The following ROR1 variants were observed in gnomAD, a reference collection of about 807,000 sequenced individuals.
The protein encoded by ROR1 is ROR family WNT receptor 1.
ROR1 carries 19 observed loss-of-function variants against 78.8 expected under a neutral mutation model. The ratio of observed to expected loss-of-function variants is 0.24; its 90% CI spans 0.17 to 0.35. The LOEUF (loss-of-function observed/expected upper bound fraction) is 0.35. Among genes scored for constraint, ROR1 ranks in the 10% least tolerant of loss-of-function variants. The probability of loss-of-function intolerance (pLI) is 1.00; values close to 1 mark genes in which losing one functional copy is unlikely to be tolerated. For missense variants in ROR1, 917 were observed against 1,177.8 expected, an observed-to-expected ratio of 0.78 and a Z score of 3.24; for synonymous variants, 386 against 433.6, an observed-to-expected ratio of 0.89 and a Z score of 1.36.
intron 1 of ROR1, among the ~76,000 whole-genome samples, chr1:63,780,472 T>C (rs1313763427): frequency 6.6e-6 from 1 of 152,194 alleles, no homozygotes; most frequent in Non-Finnish European, 1.5e-5. Context: ...AAGGATGTTA[T>C]GAACTTATAG....
intron 4 of ROR1, among the ~76,000 whole-genome samples, chr1:64,114,009 C>G (rs1314224326): frequency 1.3e-5 from 2 of 152,154 alleles, no homozygotes; most frequent in East Asian, 3.9e-4. Flanking sequence ...CTTGGCATGA[C>G]TCCTGGCATG....
At chr1:63,995,113 C>A (rs1430895042) in intron 1 of ROR1, among the ~76,000 whole-genome samples, 2 of 152,170 alleles carry the variant, frequency 1.3e-5, no homozygotes, top group Non-Finnish European at 2.9e-5. Flanking sequence ...GATATTGACA[C>A]CCGGCAACCA....
At chr1:64,124,945 G>A (rs1422747650) in intron 4 of ROR1, among the ~76,000 whole-genome samples, 1 of 152,208 alleles carries the variant, frequency 6.6e-6, no homozygotes, top group African/African-American at 2.4e-5. Context: ...TTCATAACCA[G>A]TTACAGCTGC....
chr1:64,053,293 C>G, intron 4 of ROR1, among the ~76,000 whole-genome samples: 1 of 152,132 alleles, frequency 6.6e-6, no homozygotes, highest in East Asian at 1.9e-4. Context: ...ACTGAGGCAA[C>G]AGGGCTACAC....
chr1:63,838,608 A>C (rs1438101239), intron 1 of ROR1, among the ~76,000 whole-genome samples: 4 of 152,200 alleles, frequency 2.6e-5, no homozygotes, highest in Non-Finnish European at 5.9e-5. Context: ...CCAGAGTTAA[A>C]AAAATAAAAA....
intron 2 of ROR1, among the ~76,000 whole-genome samples, chr1:64,019,329 A>G (rs1274091271): frequency 6.6e-6 from 1 of 152,218 alleles, no homozygotes; most frequent in Admixed American, 6.5e-5. Flanking sequence ...TCCTTGGTTT[A>G]TATTTAAGCT....
At chr1:63,879,928 TC>T (rs1461259161) in intron 1 of ROR1, among the ~76,000 whole-genome samples, 2 of 152,072 alleles carry the variant, frequency 1.3e-5, no homozygotes, top group African/African-American at 4.8e-5. Context: ...GGAGTAGGGG[TC>T]CCCAAAAAGT....
chr1:63,802,591 T>C (rs1055239178), intron 1 of ROR1, among the ~76,000 whole-genome samples: 1 of 152,234 alleles, frequency 6.6e-6, no homozygotes, highest in African/African-American at 2.4e-5. Context: ...TTCAGATTTT[T>C]CAGTCTTAAG....
At chr1:64,013,760 TCTTGATCAGAATCCTTAC>T (rs779461446) in intron 2 of ROR1, among the ~76,000 whole-genome samples, 1 of 152,254 alleles carries the variant, frequency 6.6e-6, no homozygotes, top group Non-Finnish European at 1.5e-5. Context: ...CCTATGTCTA[TCTTGATCAGAATCCTTAC>T]CTCGGTGTAT....
intron 1 of ROR1, among the ~76,000 whole-genome samples, chr1:63,841,700 A>G (rs1569801197): frequency 1.3e-5 from 2 of 152,326 alleles, no homozygotes; most frequent in East Asian, 3.9e-4. Flanking sequence ...CTAATTCTGG[A>G]TCTGTTTTTA....
chr1:64,007,705 T>C (rs2100540986), intron 1 of ROR1, among the ~76,000 whole-genome samples: 2 of 152,280 alleles, frequency 1.3e-5, no homozygotes, highest in Non-Finnish European at 2.9e-5. Flanking sequence ...TTCATTTGTC[T>C]TGACCTAAAA....
intron 4 of ROR1, among the ~76,000 whole-genome samples, chr1:64,116,674 C>A (rs17357054): frequency 6.6e-6 from 1 of 151,816 alleles, no homozygotes; most frequent in East Asian, 1.9e-4. Context: ...AGGAAAAGGG[C>A]GTTTTAAATG....
intron 1 of ROR1, among the ~76,000 whole-genome samples, chr1:63,814,748 CG>C (rs1393555264): frequency 6.6e-6 from 1 of 152,052 alleles, no homozygotes; most frequent in African/African-American, 2.4e-5. Flanking sequence ...GGAGCTCAGG[CG>C]GTAATGCAAG....
chr1:63,958,525 T>G (rs1646002158), intron 1 of ROR1, among the ~76,000 whole-genome samples: 1 of 152,188 alleles, frequency 6.6e-6, no homozygotes, highest in Non-Finnish European at 1.5e-5. Context: ...TATTTCTCTT[T>G]GCCAAGAGGA....
At chr1:64,128,717 TTA>T (rs1648806665) in intron 4 of ROR1, among the ~76,000 whole-genome samples, 1 of 152,158 alleles carries the variant, frequency 6.6e-6, no homozygotes, top group Non-Finnish European at 1.5e-5. Context: ...TGAAGTTTGT[TTA>T]TAAACAATAA....
rs186308467 is a variant in ROR1, at chr1:63,889,722, A to G, written c.91+115214A>G. On this transcript the variant is annotated intron_variant, in intron 1 of 8. Coordinates refer to ENST00000371079, the MANE Select transcript of ROR1 (RefSeq NM_005012.4). ...TTCAATATTTAAGGGACTTCTGCTT[A>G]TATCTTCCTGTATCACTTGGTGATT... is the stretch of plus-strand genomic sequence containing the variant. Among the ~76,000 whole-genome samples, 35 of 152,300 alleles carry G rather than the reference A, an allele frequency of 2.3e-4. 1 individual carries two copies. In the East Asian group the frequency reaches 3.9e-3, roughly 17 times the overall value.
intron 2 of ROR1, among the ~76,000 whole-genome samples, chr1:64,038,539 A>G (rs910826715): frequency 1.3e-5 from 2 of 152,168 alleles, no homozygotes; most frequent in African/African-American, 4.8e-5. Flanking sequence ...TTTTAAAAAA[A>G]TTCCACCGAT....
Position 64,180,852 on chromosome 1 carries a change from T to C in ROR1, c.*1997T>C, listed in dbSNP as rs1235263032. Reference sequence around the variant, plus strand: ...TGAGCCAGTAAAATACCTACTCTGGTAAAACATTATTATGGTTAAAAAGTA... The same window carrying C: ...TGAGCCAGTAAAATACCTACTCTGGCAAAACATTATTATGGTTAAAAAGTA... On this transcript the variant is annotated 3_prime_UTR_variant, in exon 9 of 9. Coordinates refer to ENST00000371079, the MANE Select transcript of ROR1 (RefSeq NM_005012.4). 2.0e-5 allele frequency: 3 copies of C among 152,166 alleles called. No individual in the cohort carries two copies. Among genetic ancestry groups the C allele is most frequent in the Non-Finnish European group, 4.4e-5 (3 of 67,982 alleles). 9.4% of individuals were successfully genotyped at this position (152,166 alleles called of 1,614,324 possible).
At chr1:64,170,583 G>T (rs1056260760) in intron 8 of ROR1, among the ~76,000 whole-genome samples, 1 of 152,110 alleles carries the variant, frequency 6.6e-6, no homozygotes, top group Non-Finnish European at 1.5e-5. Flanking sequence ...TTAACATTTG[G>T]CTTCTCATTA....
Sources: gnomAD v4.1 joint callset for allele counts (sites outside exome capture counted in the v4.1 genomes callset) on GRCh38, gnomAD v4.1.1 for gene constraint, MANE v1.5 for transcripts, NCBI Gene and HGNC (gene_info 2026-07-23, HGNC 2026-07-21) for gene names.